Variants in COLEC10 observed in about 807,000 individuals in gnomAD.
The protein encoded by COLEC10 is collectin subfamily member 10, also known as collectin-10.
COLEC10 carries 22 observed loss-of-function variants against 28.4 expected under a neutral mutation model. The ratio of observed to expected loss-of-function variants is 0.78; its 90% CI spans 0.55 to 1.11. The LOEUF is 1.11. Ranked by LOEUF, COLEC10 falls within the 50% of genes least tolerant of loss-of-function variation. The pLI, the probability that COLEC10 is intolerant of heterozygous loss-of-function variation, is 0.00. For missense variants in COLEC10, 361 were observed against 344.1 expected (o/e 1.05, Z -0.39); for synonymous variants, 125 against 116.1 (o/e 1.08, Z -0.49).
intron 1 of COLEC10, among the ~76,000 whole-genome samples, chr8:118,999,863 G>A (rs1813659238): frequency 1.3e-5 from 2 of 151,806 alleles, no homozygotes; most frequent in Admixed American, 1.3e-4. Context: ...AGACAGAATA[G>A]AATGGCAGGA....
intron 3 of COLEC10, among the ~76,000 whole-genome samples, chr8:119,093,214 G>T (rs548810245): frequency 3.9e-5 from 6 of 152,280 alleles, no homozygotes; most frequent in African/African-American, 1.4e-4. Flanking sequence ...GTCCCTGCAG[G>T]CAGGTTGACA....
At chr8:118,967,010 T>G in the COLEC10 span, among the ~76,000 whole-genome samples, 23,275 of 152,126 alleles carry the variant, frequency 0.15, 2,036 homozygotes, top group African/African-American at 0.25. Flanking sequence ...AACACCACTT[T>G]GAGTTCCTAG....
At chr8:119,024,024 G>A (rs1243564372) in intron 2 of COLEC10, among the ~76,000 whole-genome samples, 2 of 152,152 alleles carry the variant, frequency 1.3e-5, no homozygotes. Context: ...TGTAATAAGG[G>A]CTGGGAGGTA....
intron 3 of COLEC10, among the ~76,000 whole-genome samples, chr8:119,100,564 C>T (rs1004026528): frequency 2.6e-5 from 4 of 152,144 alleles, no homozygotes; most frequent in Non-Finnish European, 5.9e-5. Context: ...ATGCCTTTAT[C>T]CCAACTATAT....
intron 1 of COLEC10, among the ~76,000 whole-genome samples, chr8:119,083,047 A>C (rs1815398435): frequency 1.3e-5 from 2 of 152,192 alleles, no homozygotes; most frequent in Non-Finnish European, 2.9e-5. Context: ...CTAGTAAAGA[A>C]ACTTGTGTTT....
In COLEC10 at chr8:119,105,938, T is replaced by C. The variant is rs1815930990; in HGVS notation, c.581T>C (p.Leu194Pro). The change falls in exon 6 of 6, where the codon CTC becomes CCC. Residue 194 changes from leucine (L) to proline (P), a missense_variant. Leu to Pro is a moderately conservative substitution (Grantham distance 98). Coordinates refer to ENST00000332843, the MANE Select transcript of COLEC10 (RefSeq NM_006438.5). ...CCCAAGGATGAAGCTGCCAACACAC[T>C]CATCGCTGACTATGTTGCCAAGAGT... ...AMPKDEAANT[L>P]IADYVAKSGF... The C allele has an allele frequency of 6.2e-7, 1 of 1,613,722 alleles. No homozygotes were observed. Among genetic ancestry groups the C allele is most frequent in the African/African-American group, 1.3e-5 (1 of 74,872 alleles).
At chr8:119,079,391 A>G (rs1337522569) in intron 1 of COLEC10, among the ~76,000 whole-genome samples, 1 of 152,290 alleles carries the variant, frequency 6.6e-6, no homozygotes, top group East Asian at 1.9e-4. Flanking sequence ...ACTTGAACCA[A>G]GCGCTTTGAT....
the COLEC10 span, among the ~76,000 whole-genome samples, chr8:118,968,588 T>G: frequency 6.6e-6 from 1 of 151,278 alleles, no homozygotes; most frequent in African/African-American, 2.4e-5. Flanking sequence ...TATATATGTG[T>G]GTATATATAT....
the COLEC10 span, among the ~76,000 whole-genome samples, chr8:118,974,350 G>A: frequency 6.6e-6 from 1 of 151,896 alleles, no homozygotes; most frequent in African/African-American, 2.4e-5. Flanking sequence ...CACTTAAGAA[G>A]TAGAAAAAGG....
At chr8:119,091,577 G>A (rs182372098) in intron 3 of COLEC10, among the ~76,000 whole-genome samples, 1,011 of 88,264 alleles carry the variant, frequency 0.011, 12 homozygotes, top group African/African-American at 0.033. Context: ...GAAAGAAAGA[G>A]AGAGAGAGAG....
At chr8:118,968,607 G>GTATGTATATGTA in the COLEC10 span, among the ~76,000 whole-genome samples, 1 of 151,424 alleles carries the variant, frequency 6.6e-6, no homozygotes, top group African/African-American at 2.4e-5. Context: ...ATACGTATAT[G>GTATGTATATGTA]TATGTATATG....
the COLEC10 span, among the ~76,000 whole-genome samples, chr8:118,968,777 C>T: frequency 6.6e-6 from 1 of 151,878 alleles, no homozygotes; most frequent in South Asian, 2.1e-4. Context: ...TCCCTGGCCC[C>T]CTACCCCCAA....
At chr8:119,027,108 A>G (rs750552707) in intron 2 of COLEC10, among the ~76,000 whole-genome samples, 1 of 152,166 alleles carries the variant, frequency 6.6e-6, no homozygotes, top group Non-Finnish European at 1.5e-5. Context: ...AGGAATAACA[A>G]TAGTATATAT....
intron 2 of COLEC10, among the ~76,000 whole-genome samples, chr8:119,045,792 C>T (rs1563726604): frequency 1.3e-5 from 2 of 152,144 alleles, no homozygotes. Context: ...CCTCTGTTTA[C>T]ATGTTTGCTA....
intron 5 of COLEC10, among the ~76,000 whole-genome samples, chr8:119,105,247 T>C (rs1269176931): frequency 2.0e-5 from 3 of 152,026 alleles, no homozygotes; most frequent in South Asian, 2.1e-4. Flanking sequence ...AGGCAAACGA[T>C]GAGACTAAAA....
At chr8:119,029,484 A>G (rs1469572710) in intron 2 of COLEC10, among the ~76,000 whole-genome samples, 1 of 152,202 alleles carries the variant, frequency 6.6e-6, no homozygotes, top group Non-Finnish European at 1.5e-5. Flanking sequence ...AATAAGGACT[A>G]TGTGATTATA....
intron 5 of COLEC10, 53 bp from the exon 6 acceptor site, chr8:119,105,747 T>G (rs1815923883): frequency 6.8e-7 from 1 of 1,461,492 alleles, no homozygotes; most frequent in South Asian, 1.3e-5. Context: ...ATAATTTTGT[T>G]GCCTTTTATC....
intron 2 of COLEC10, among the ~76,000 whole-genome samples, chr8:119,014,612 T>C (rs1411294021): frequency 6.6e-6 from 1 of 150,874 alleles, no homozygotes; most frequent in Non-Finnish European, 1.5e-5. Flanking sequence ...GTTTCATGTC[T>C]GATAATAATT....
At chr8:119,102,500 A>C (rs1404430132) in intron 4 of COLEC10, 99 bp downstream of exon 4, 7 of 1,010,084 alleles carry the variant, frequency 6.9e-6, no homozygotes, top group Non-Finnish European at 1.0e-5. Context: ...GAGTCCTTTT[A>C]GTATGCTTAA....
Sources: allele counts gnomAD v4.1 joint callset (sites outside exome capture counted in the v4.1 genomes callset), GRCh38; gene constraint gnomAD v4.1.1; transcripts MANE v1.5; gene names NCBI Gene and HGNC (gene_info 2026-07-23, HGNC 2026-07-21).